The following ZNF710 variants were observed in gnomAD, a reference collection of about 807,000 sequenced individuals.
The protein encoded by ZNF710 is zinc finger protein 710.
In ZNF710, 13 loss-of-function variants were observed where a neutral mutation model predicts 50.6. That is an observed-to-expected ratio of 0.26 (90% CI 0.17 to 0.41). ZNF710 has a LOEUF of 0.41. ZNF710 is among the 10% of genes least tolerant of loss of function. The pLI is 1.00. For missense variants in ZNF710, 721 were observed against 936.6 expected (o/e 0.77, Z 3.01); for synonymous variants, 383 against 397.0 (o/e 0.96, Z 0.42).
At chr15:90,010,790 A>T (rs993606375) in intron 1 of ZNF710, among the ~76,000 whole-genome samples, 8 of 152,018 alleles carry the variant, frequency 5.3e-5, no homozygotes, top group African/African-American at 1.9e-4. Flanking sequence ...TTGCTGTGTC[A>T]CCCAGGTGGG....
intron 1 of ZNF710, among the ~76,000 whole-genome samples, chr15:90,039,026 C>T (rs1899218530): frequency 6.6e-6 from 1 of 152,178 alleles, no homozygotes; most frequent in African/African-American, 2.4e-5. Context: ...CGCCTATAAT[C>T]CCATCACTTT....
chr15:90,043,130 C>T (rs1899351534), intron 1 of ZNF710, among the ~76,000 whole-genome samples: 1 of 152,270 alleles, frequency 6.6e-6, no homozygotes, highest in Non-Finnish European at 1.5e-5. Flanking sequence ...GACCGAGCAC[C>T]TCCTGTGTGC....
rs1229529877 is a variant in ZNF710, at chr15:90,068,452, G to A, written c.1315G>A (p.Glu439Lys). 3.7e-6 allele frequency: 6 copies of A among 1,613,980 alleles called. No homozygotes were observed. Among genetic ancestry groups the A allele is most frequent in the African/African-American group, 1.3e-5 (1 of 74,946 alleles). ...HQGPTLYQCL[E>K]CDKSFHYRSQ... ...GGGCCCCACCCTCTACCAGTGCCTC[G>A]AGTGTGACAAGTCCTTCCACTACCG... is the stretch of plus-strand genomic sequence containing the variant. The change falls in exon 2 of 5, where the codon GAG (glutamate) becomes AAG (lysine). Residue 439 changes from glutamate (E) to lysine (K), a missense_variant. By Grantham distance (56) the Glu-to-Lys change is moderately conservative. Coordinates refer to ENST00000268154, the MANE Select transcript of ZNF710 (RefSeq NM_198526.4). The surrounding 1 kb of genome is among the most constrained non-coding windows in gnomAD (Gnocchi z 5.0).
intron 1 of ZNF710, among the ~76,000 whole-genome samples, chr15:90,053,623 A>C (rs1899715295): frequency 6.6e-6 from 1 of 152,114 alleles, no homozygotes; most frequent in South Asian, 2.1e-4. Flanking sequence ...TATGGGTGTG[A>C]GCCCCTGCGC....
intron 1 of ZNF710, among the ~76,000 whole-genome samples, chr15:90,044,702 C>T (rs1023982661): frequency 2.5e-4 from 38 of 152,150 alleles, no homozygotes; most frequent in Non-Finnish European, 4.9e-4. Flanking sequence ...CCTGTGGAAA[C>T]GAACCTCCTC....
At chr15:90,013,167 C>T (rs753741036) in intron 1 of ZNF710, among the ~76,000 whole-genome samples, 2 of 152,114 alleles carry the variant, frequency 1.3e-5, no homozygotes, top group East Asian at 1.9e-4. Flanking sequence ...GGCACAATCT[C>T]GGCTTGCTGC....
At chr15:90,007,990 G>A (rs1898181703) in intron 1 of ZNF710, among the ~76,000 whole-genome samples, 1 of 152,038 alleles carries the variant, frequency 6.6e-6, no homozygotes, top group African/African-American at 2.4e-5. Context: ...CAAAACTGCT[G>A]CCGCACCAAA....
At chr15:90,017,086 C>A (rs1219759779) in intron 1 of ZNF710, among the ~76,000 whole-genome samples, 1 of 152,136 alleles carries the variant, frequency 6.6e-6, no homozygotes, top group Non-Finnish European at 1.5e-5. Flanking sequence ...TTTCCTGGCT[C>A]CCTAAGCTGG....
At chr15:90,018,887 TTTTG>T (rs71461838) in intron 1 of ZNF710, among the ~76,000 whole-genome samples, 71,430 of 151,564 alleles carry the variant, frequency 0.47, 17,900 homozygotes, top group Non-Finnish European at 0.56. Context: ...TCTAGTGGTT[TTTTG>T]TTTGTTTGTT....
rs117469670 is a variant in ZNF710 at position 90,040,164 on chromosome 15, C to T, written c.-28-26946C>T. ...ATGACCATGCCAGCTTGGGCTGTGG[C>T]TGGGTGAGGTCACCCAGGCCTCAGG... On this transcript the variant is annotated intron_variant, in intron 1 of 4. Transcript: ENST00000268154. This position sits in a 1 kb window ranked among gnomAD's most constrained non-coding sequence, Gnocchi z 4.6. Among the ~76,000 whole-genome samples the T allele has an allele frequency of 2.4e-3, 368 of 152,340 alleles. 2 individuals are homozygous for T. The highest frequency in any genetic ancestry group is 0.014 in the East Asian group (71 of 5,188).
Position 90,067,229 on chromosome 15 carries a change from A to G in ZNF710, c.92A>G (p.Asn31Ser), listed in dbSNP as rs761839703. The change falls in exon 2 of 5, where the codon AAT becomes AGT. Residue 31 changes from asparagine to serine, a missense_variant. Asn to Ser is a conservative substitution (Grantham distance 46, BLOSUM62 1). Coordinates refer to ENST00000268154, the MANE Select transcript of ZNF710 (RefSeq NM_198526.4). This position sits in a 1 kb window ranked among gnomAD's most constrained non-coding sequence, Gnocchi z 8.1. ...GCCGTGCTTGGCCTGGTCTCCGAAA[A>G]TGAGCTCTTTGGAGCTACCATAAGC... ...QAAVLGLVSE[N>S]ELFGATISAE... 6.2e-7 allele frequency: 1 copy of G among 1,613,760 alleles called. No individual in the cohort carries two copies. The highest frequency in any genetic ancestry group is 8.5e-7 in the Non-Finnish European group (1 of 1,179,916).
rs536024883 is a variant in ZNF710, at chr15:90,072,336, A to G, written c.1459-735A>G. ...GTTGAGAATAAAAATTCCTGGGCCC[A>G]TCCCAGGCCCCATGAATTAGACCCT... is the stretch of plus-strand genomic sequence containing the variant. On this transcript the variant is annotated intron_variant, in intron 2 of 4. Coordinates refer to ENST00000268154, the MANE Select transcript of ZNF710 (RefSeq NM_198526.4). 6.6e-5 allele frequency among the ~76,000 whole-genome samples: 10 copies of G among 152,358 alleles called. No homozygotes were observed. In the South Asian group the frequency reaches 2.1e-3, roughly 32 times the overall value.
chr15:90,029,740 G>A (rs1392997294), intron 1 of ZNF710, among the ~76,000 whole-genome samples: 3 of 151,832 alleles, frequency 2.0e-5, no homozygotes, highest in Non-Finnish European at 2.9e-5. Flanking sequence ...TCAGCCTCCC[G>A]AGTAGCTGGG....
intron 1 of ZNF710, among the ~76,000 whole-genome samples, chr15:90,058,728 T>TATATATATATATGTACATGTAC (rs1555458604): frequency 4.8e-5 from 7 of 145,932 alleles, no homozygotes; most frequent in African/African-American, 1.6e-4. Flanking sequence ...TACACACATA[T>TATATATATATATGTACATGTAC]ACACACACAC....
chr15:90,073,991 AAAAAAAAAC>A, intron 3 of ZNF710, 116 bp from the exon 4 acceptor site: 5 of 1,069,244 alleles, frequency 4.7e-6, no homozygotes, highest in African/African-American at 3.8e-5. Context: ...GTCTGTCTCA[AAAAAAAAAC>A]AAAAAAAAAA....
At position 90,012,486 on chromosome 15, in the gene ZNF710, A is replaced by T. The variant is rs569133733; in HGVS notation, c.-29+10872A>T. On this transcript the variant is annotated intron_variant, in intron 1 of 4. Coordinates refer to ENST00000268154, the MANE Select transcript of ZNF710 (RefSeq NM_198526.4). Reference sequence around the variant, plus strand: ...GGGGTTTCACCGTGTTAGCCAGGATAGTCTCGATCCCCTGACCTTGTGATC... The same window carrying T: ...GGGGTTTCACCGTGTTAGCCAGGATTGTCTCGATCCCCTGACCTTGTGATC... 1.9e-4 allele frequency among the ~76,000 whole-genome samples: 29 copies of T among 151,876 alleles called. 1 individual carries two copies. The South Asian group carries it at 6.0e-3, about 32-fold the overall frequency.
At chr15:90,049,054 G>C (rs563477352) in intron 1 of ZNF710, among the ~76,000 whole-genome samples, 1 of 152,186 alleles carries the variant, frequency 6.6e-6, no homozygotes, top group Non-Finnish European at 1.5e-5. Flanking sequence ...GTGATAGTGA[G>C]AACATGTCAA....
rs1273440454 is a variant in ZNF710, at chr15:90,063,039, G to A, written c.-28-4071G>A. 6.6e-5 allele frequency among the ~76,000 whole-genome samples: 10 copies of A among 152,246 alleles called. No homozygotes were observed. In the South Asian group the frequency reaches 1.9e-3, roughly 28 times the overall value. ...AGTGGCTCAATGAAGACTTCTAGTA[G>A]AAGGAGAGACCCCAGTTCCCCCAGC... On this transcript the variant is annotated intron_variant, in intron 1 of 4. Transcript: ENST00000268154.
At chr15:90,016,369 C>T (rs994231105) in intron 1 of ZNF710, among the ~76,000 whole-genome samples, 1 of 152,156 alleles carries the variant, frequency 6.6e-6, no homozygotes, top group African/African-American at 2.4e-5. Flanking sequence ...AGCCTTGGAA[C>T]CTGGCATTGA....
Sources: allele counts gnomAD v4.1 joint callset (sites outside exome capture counted in the v4.1 genomes callset), GRCh38; gene constraint gnomAD v4.1.1; non-coding constraint Gnocchi (gnomAD v3.1); transcripts MANE v1.5; gene names NCBI Gene and HGNC (gene_info 2026-07-23, HGNC 2026-07-21).